Variants in COLGALT1 observed in about 807,000 individuals in gnomAD.
The protein encoded by COLGALT1 is procollagen galactosyltransferase 1.
Under a neutral mutation model 60.8 loss-of-function variants are expected in COLGALT1, and 43 were observed. That is an observed-to-expected ratio of 0.71 (90% CI 0.55 to 0.91). The LOEUF (loss-of-function observed/expected upper bound fraction) is 0.91. Ranked by LOEUF, COLGALT1 falls within the 40% of genes least tolerant of loss-of-function variation. The probability of loss-of-function intolerance (pLI) is 0.00; values close to 1 mark genes in which losing one functional copy is unlikely to be tolerated. For missense variants in COLGALT1, 845 were observed against 880.0 expected (o/e 0.96, Z 0.50); for synonymous variants, 369 against 374.2 (o/e 0.99, Z 0.16).
rs376072828 is a variant in COLGALT1, at chr19:17,572,635, C to G, written c.949+33C>G. The G allele has an allele frequency of 3.1e-6, 5 of 1,611,738 alleles. No homozygotes were observed. The African/African-American group carries it at 6.7e-5, about 22-fold the overall frequency. On this transcript the variant is annotated intron_variant, in intron 6 of 11. Transcript: ENST00000252599. ...TGCCTGCACACCGCCCTGGGAGGTG[C>G]CAGGTTGCCTCCCTTTCACTGATGT...
chr19:17,564,358 CGT>C (rs1005352549), intron 3 of COLGALT1, among the ~76,000 whole-genome samples: 5 of 147,322 alleles, frequency 3.4e-5, no homozygotes, highest in South Asian at 4.3e-4. Context: ...AACATATATA[CGT>C]GTGTGTGTGT....
chr19:17,555,671 A>T lies in COLGALT1; in HGVS notation c.-43A>T. The T allele has an allele frequency of 1.7e-6, 2 of 1,175,512 alleles. No individual in the cohort carries two copies. The highest frequency in any genetic ancestry group is 1.1e-6 in the Non-Finnish European group (1 of 952,304). The allele number at this position is 1,175,512 out of a possible 1,614,324, so 72.8% of individuals were successfully genotyped here. A position where few individuals can be genotyped will look rare whatever the true frequency, so the allele number is the denominator to read the frequency against. ...TATGACCCCTTTAAGGCGCGGCCAG[A>T]GTCCTCCCGCAGAAAAACGACTTAA... On this transcript the variant is annotated 5_prime_UTR_variant, in exon 1 of 12. Transcript: ENST00000252599.
intron 3 of COLGALT1, among the ~76,000 whole-genome samples, chr19:17,561,550 C>T (rs1253301131): frequency 7.3e-6 from 1 of 136,534 alleles, no homozygotes; most frequent in East Asian, 2.3e-4. Flanking sequence ...GGGAAGGGAA[C>T]AGTTGAGTCT....
intron 5 of COLGALT1, among the ~76,000 whole-genome samples, chr19:17,571,421 A>G (rs117260955): frequency 6.7e-6 from 1 of 149,824 alleles, no homozygotes; most frequent in African/African-American, 2.5e-5. Context: ...AAAAATAAAT[A>G]AATTAAATTA....
intron 3 of COLGALT1, among the ~76,000 whole-genome samples, chr19:17,562,209 A>G (rs1170135741): frequency 2.0e-5 from 3 of 152,214 alleles, no homozygotes; most frequent in African/African-American, 7.2e-5. Flanking sequence ...CAGAAAAGAA[A>G]AAGCAAAGAG....
rs759172790 is a variant in COLGALT1 at position 17,572,610 on chromosome 19, T to G, written c.949+8T>G. The G allele has an allele frequency of 6.2e-7, 1 of 1,613,712 alleles. No homozygotes were observed. Among genetic ancestry groups the G allele is most frequent in the Non-Finnish European group, 8.5e-7 (1 of 1,180,018 alleles). On this transcript the variant is annotated splice_region_variant and intron_variant, in intron 6 of 11. Coordinates refer to ENST00000252599, the MANE Select transcript of COLGALT1 (RefSeq NM_024656.4). ...TGCAGCTGGAGGTCATGGGTGAGTCTGCCTGCACACCGCCCTGGGAGGTGC... is the reference window on the plus strand; with the variant it reads ...TGCAGCTGGAGGTCATGGGTGAGTCGGCCTGCACACCGCCCTGGGAGGTGC...
intron 5 of COLGALT1, among the ~76,000 whole-genome samples, chr19:17,569,279 A>G (rs2076297988): frequency 6.6e-6 from 1 of 152,142 alleles, no homozygotes; most frequent in Non-Finnish European, 1.5e-5. Flanking sequence ...ATGGAGCACA[A>G]GTGTAATTTT....
rs1236713668 is a variant in COLGALT1, at chr19:17,580,717, G to A, written c.1413G>A (p.Arg471=). 6.2e-7 allele frequency: 1 copy of A among 1,613,882 alleles called. No individual in the cohort carries two copies. Among genetic ancestry groups the A allele is most frequent in the Non-Finnish European group, 8.5e-7 (1 of 1,180,014 alleles). ...ACCCCAGCTATGTGGGCCGGAAGCG[G>A]ATGCAGGTGGAGCACCCCGAGAAGG... ...DWDLIYVGRK[R]MQVEHPEKAV... Residue 471 remains arginine, a synonymous_variant, in exon 11 of 12, where the codon CGG becomes CGA. Transcript: ENST00000252599.
At chr19:17,569,978 T>C (rs2076302870) in intron 5 of COLGALT1, among the ~76,000 whole-genome samples, 1 of 144,790 alleles carries the variant, frequency 6.9e-6, no homozygotes, top group Non-Finnish European at 1.5e-5. Flanking sequence ...CACTGTAAGC[T>C]CCGCCTCCTG....
At position 17,579,576 on chromosome 19, in the gene COLGALT1, A is replaced by T; in HGVS notation, c.1361A>T (p.Asp454Val). The T allele has an allele frequency of 7.0e-7, 1 of 1,426,066 alleles. No individual in the cohort carries two copies. The highest frequency in any genetic ancestry group is 9.4e-7 in the Non-Finnish European group (1 of 1,062,660). 88.3% of individuals were successfully genotyped at this position (1,426,066 alleles called of 1,614,324 possible). ...FKRRLMNLMRDVEREGLDWDL... is the reference protein window; with the variant it reads ...FKRRLMNLMRVVEREGLDWDL... ...AGACGTCTGATGAACCTCATGCGGG[A>T]TGTGGAGCGGGAGGGCCTGGACTGG... is the stretch of plus-strand genomic sequence containing the variant. Residue 454 changes from aspartate to valine, a missense_variant, in exon 10 of 12, where the codon GAT becomes GTT. Transcript: ENST00000252599.
At chr19:17,577,004 T>TCGGGGCGGGGTGAAGCTGGGGCC in intron 6 of COLGALT1, 191 bp from the exon 7 acceptor site, 1 of 307,168 alleles carries the variant, frequency 3.3e-6, no homozygotes, top group Non-Finnish European at 6.1e-6. Context: ...GGCCAGGGCT[T>TCGGGGCGGGGTGAAGCTGGGGCC]TGGGCTGCTG....
chr19:17,570,875 T>TG (rs1389081380), intron 5 of COLGALT1, among the ~76,000 whole-genome samples: 3 of 152,094 alleles, frequency 2.0e-5, no homozygotes, highest in African/African-American at 7.2e-5. Flanking sequence ...AATTTTTACA[T>TG]TTTTAAATCA....
At chr19:17,569,455 T>C (rs960658681) in intron 5 of COLGALT1, among the ~76,000 whole-genome samples, 2 of 151,592 alleles carry the variant, frequency 1.3e-5, no homozygotes, top group Non-Finnish European at 2.9e-5. Context: ...TTTTTTTTTT[T>C]GAAGTAGAGT....
intron 6 of COLGALT1, among the ~76,000 whole-genome samples, chr19:17,575,139 C>T (rs994172360): frequency 6.6e-6 from 1 of 152,198 alleles, no homozygotes; most frequent in Non-Finnish European, 1.5e-5. Context: ...GCAACCTCCG[C>T]CTCCCAGGTT....
rs1419156495 is a variant in COLGALT1 at position 17,559,460 on chromosome 19, T to G, written c.371+39T>G. 8 of 1,482,458 alleles carry G rather than the reference T, an allele frequency of 5.4e-6. No individual in the cohort carries two copies. The East Asian group carries it at 2.0e-4, about 37-fold the overall frequency. The allele number at this position is 1,482,458 out of a possible 1,614,324, so 91.8% of individuals were successfully genotyped here. A position where few individuals can be genotyped will look rare whatever the true frequency, so the allele number is the denominator to read the frequency against. On this transcript the variant is annotated intron_variant, in intron 2 of 11. Coordinates refer to ENST00000252599, the MANE Select transcript of COLGALT1 (RefSeq NM_024656.4). ...CCCTGCTCCTAGTCTGATTGGGCTT[T>G]GCCTCTGCTCACACACCCTCTATGG...
At position 17,555,719 on chromosome 19, in the gene COLGALT1, G is replaced by T; in HGVS notation, c.6G>T (p.Ala2=). 8.4e-7 allele frequency: 1 copy of T among 1,192,088 alleles called. No homozygotes were observed. The highest frequency in any genetic ancestry group is 1.0e-6 in the Non-Finnish European group (1 of 963,240). 73.8% of individuals were successfully genotyped at this position (1,192,088 alleles called of 1,614,324 possible). M[A]AAPRAGRRRG... Reference sequence around the variant, plus strand: ...TAAAGGAGACGCGTGGCGCGATGGCGGCGGCCCCACGCGCGGGCCGGCGGC... The same window carrying T: ...TAAAGGAGACGCGTGGCGCGATGGCTGCGGCCCCACGCGCGGGCCGGCGGC... The change falls in exon 1 of 12, where the codon GCG becomes GCT. Residue 2 remains alanine (A), a synonymous_variant. Coordinates refer to ENST00000252599, the MANE Select transcript of COLGALT1 (RefSeq NM_024656.4).
chr19:17,566,962 A>C (rs2076282793), intron 3 of COLGALT1, among the ~76,000 whole-genome samples: 1 of 152,042 alleles, frequency 6.6e-6, no homozygotes, highest in South Asian at 2.1e-4. Flanking sequence ...AAAAATACAA[A>C]AAGTTACCCG....
chr19:17,567,522 G>T lies in COLGALT1; in HGVS notation c.606G>T (p.Trp202Cys). 1.2e-6 allele frequency: 2 copies of T among 1,613,368 alleles called. No individual in the cohort carries two copies. The highest frequency in any genetic ancestry group is 1.7e-6 in the Non-Finnish European group (2 of 1,179,680). The stretch of plus-strand genomic sequence containing the variant: ...CCCGGGCTGCGTACTCCAACTTCTG[G>T]TGTGGAATGACTTCCCAGGTAGAGT... ...LDSRAAYSNF[W>C]CGMTSQGYYK... is the part of the protein sequence containing the mutation. Residue 202 changes from tryptophan (W) to cysteine (C), a missense_variant, in exon 4 of 12, where the codon TGG (tryptophan) becomes TGT (cysteine). Coordinates refer to ENST00000252599, the MANE Select transcript of COLGALT1 (RefSeq NM_024656.4).
chr19:17,577,893 C>T (rs565349879), intron 8 of COLGALT1, 64 bp from the exon 9 acceptor site: 42 of 1,554,796 alleles, frequency 2.7e-5, no homozygotes, highest in Non-Finnish European at 3.5e-5. Flanking sequence ...GGTGGAATGG[C>T]CGGGGATGGC....
Sources: gnomAD v4.1 joint callset for allele counts (sites outside exome capture counted in the v4.1 genomes callset) on GRCh38, gnomAD v4.1.1 for gene constraint, MANE v1.5 for transcripts, NCBI Gene and HGNC (gene_info 2026-07-23, HGNC 2026-07-21) for gene names.